ADAMTS2: variants seen among roughly 807,000 people sequenced by gnomAD.
ADAMTS2 encodes ADAM metallopeptidase with thrombospondin type 1 motif 2.
A neutral mutation model predicts 123.0 loss-of-function variants in ADAMTS2; 50 were observed. The observed-to-expected ratio is 0.41, with a 90% confidence interval of 0.32 to 0.51. The LOEUF (loss-of-function observed/expected upper bound fraction) is 0.51. ADAMTS2 is among the 20% of genes least tolerant of loss of function. The pLI is 0.35. For missense variants in ADAMTS2, 1,494 were observed against 1,705.2 expected, an observed-to-expected ratio of 0.88 and a Z score of 2.18; for synonymous variants, 678 against 695.4, an observed-to-expected ratio of 0.98 and a Z score of 0.39.
chr5:179,135,089 C>A (rs1341955618), intron 13 of ADAMTS2, among the ~76,000 whole-genome samples: 5 of 66,224 alleles, frequency 7.6e-5, no homozygotes, highest in African/African-American at 1.6e-4. Flanking sequence ...CCGGCTCCAG[C>A]CCCCAGCTCC....
intron 2 of ADAMTS2, among the ~76,000 whole-genome samples, chr5:179,329,988 C>T (rs879413941): frequency 1.5e-4 from 23 of 151,282 alleles, no homozygotes; most frequent in East Asian, 3.9e-4. Context: ...TAGCCGGGCG[C>T]GGTGGCGGGC....
At chr5:179,268,682 C>G (rs1486153852) in intron 3 of ADAMTS2, among the ~76,000 whole-genome samples, 2 of 152,326 alleles carry the variant, frequency 1.3e-5, no homozygotes, top group East Asian at 3.9e-4. Context: ...CTTAGACATG[C>G]AGGGAAGAGC....
intron 2 of ADAMTS2, among the ~76,000 whole-genome samples, chr5:179,280,681 G>T (rs1766873277): frequency 1.3e-5 from 2 of 152,038 alleles, no homozygotes; most frequent in African/African-American, 2.4e-5. Context: ...CTCTCTCCGG[G>T]CTTCTATTTG....
intron 2 of ADAMTS2, among the ~76,000 whole-genome samples, chr5:179,298,226 G>A (rs1052233786): frequency 2.3e-5 from 3 of 130,204 alleles, no homozygotes; most frequent in Admixed American, 7.5e-5. Flanking sequence ...AACCCAGGCT[G>A]TCCCCTTCAC....
chr5:179,212,659 G>A (rs1581194473), intron 3 of ADAMTS2, among the ~76,000 whole-genome samples: 1 of 140,230 alleles, frequency 7.1e-6, no homozygotes, highest in Non-Finnish European at 1.6e-5. Context: ...TGGGCCCTGA[G>A]GGCGGGTGCA....
At chr5:179,138,339 CTGAG>C (rs1763101327) in intron 11 of ADAMTS2, among the ~76,000 whole-genome samples, 1 of 152,208 alleles carries the variant, frequency 6.6e-6, no homozygotes, top group East Asian at 1.9e-4. Flanking sequence ...ACGGCAGGAG[CTGAG>C]TGAGTCTCCT....
chr5:179,126,775 C>G (rs573169913), intron 17 of ADAMTS2, among the ~76,000 whole-genome samples: 2 of 152,282 alleles, frequency 1.3e-5, no homozygotes, highest in South Asian at 4.2e-4. Context: ...GGAGATAAAG[C>G]CTGACCTCCT....
intron 3 of ADAMTS2, among the ~76,000 whole-genome samples, chr5:179,208,609 C>T (rs1446398336): frequency 6.6e-6 from 1 of 152,164 alleles, no homozygotes; most frequent in Non-Finnish European, 1.5e-5. Flanking sequence ...TCCTGCGGGC[C>T]TGGAGACCAC....
At position 179,303,144 on chromosome 5, in the gene ADAMTS2, T is replaced by C. The variant is rs913782493; in HGVS notation, c.535-30080A>G. Among the ~76,000 whole-genome samples, 2 of 152,154 alleles carry C rather than the reference T, an allele frequency of 1.3e-5. No individual in the cohort carries two copies. The highest frequency in any genetic ancestry group is 2.9e-5 in the Non-Finnish European group (2 of 68,022). ...GACCTGATTCCCCTGTCAGTTGCTC[T>C]GGGCATGTTGTGAGAATTGCTGGGG... is the stretch of plus-strand genomic sequence containing the variant. On this transcript the variant is annotated intron_variant, in intron 2 of 21. Coordinates refer to ENST00000251582, the MANE Select transcript of ADAMTS2 (RefSeq NM_014244.5). This position sits in a 1 kb window ranked among gnomAD's most constrained non-coding sequence, Gnocchi z 4.7.
rs888615226 is a variant in ADAMTS2, at chr5:179,312,167, C to T, written c.534+31600G>A. On this transcript the variant is annotated intron_variant, in intron 2 of 21. Transcript: ENST00000251582. This position sits in a 1 kb window ranked among gnomAD's most constrained non-coding sequence, Gnocchi z 4.2. The stretch of plus-strand genomic sequence containing the variant: ...CAATCCCTGGAACCCATAAATGTTA[C>T]CTTCCATGGCAAAAAAGAACTTTGT... Among the ~76,000 whole-genome samples the T allele has an allele frequency of 1.3e-5, 2 of 152,200 alleles. No homozygotes were observed. The highest frequency in any genetic ancestry group is 4.8e-5 in the African/African-American group (2 of 41,450).
intron 4 of ADAMTS2, among the ~76,000 whole-genome samples, chr5:179,187,766 G>A (rs1312748625): frequency 6.6e-6 from 1 of 152,228 alleles, no homozygotes; most frequent in Non-Finnish European, 1.5e-5. Flanking sequence ...AAACCTTGGG[G>A]GGAAATGTTC....
intron 10 of ADAMTS2, among the ~76,000 whole-genome samples, chr5:179,140,825 G>C (rs1350428063): frequency 2.1e-5 from 1 of 46,852 alleles, no homozygotes; most frequent in Non-Finnish European, 4.6e-5. Context: ...TTTTGAGACA[G>C]AGTCTCACTC....
At chr5:179,179,501 T>C (rs1405291216) in intron 5 of ADAMTS2, among the ~76,000 whole-genome samples, 2 of 152,222 alleles carry the variant, frequency 1.3e-5, no homozygotes, top group Non-Finnish European at 2.9e-5. Context: ...GTGATATAAC[T>C]ACTAATTTAG....
At chr5:179,200,123 C>T (rs2113357458) in intron 4 of ADAMTS2, among the ~76,000 whole-genome samples, 1 of 152,160 alleles carries the variant, frequency 6.6e-6, no homozygotes, top group Non-Finnish European at 1.5e-5. Context: ...GGCCAGTGTT[C>T]CCCACTGGTA....
chr5:179,216,410 G>C (rs2113394558), intron 3 of ADAMTS2, among the ~76,000 whole-genome samples: 1 of 150,928 alleles, frequency 6.6e-6, no homozygotes, highest in African/African-American at 2.4e-5. Context: ...ATTCACAGAA[G>C]TTTCCAGCTT....
chr5:179,344,736 G>A (rs1452665367), intron 1 of ADAMTS2, among the ~76,000 whole-genome samples: 3 of 152,198 alleles, frequency 2.0e-5, no homozygotes, highest in Non-Finnish European at 4.4e-5. Context: ...GGACTGGGAG[G>A]GGTGGAACAG....
intron 4 of ADAMTS2, among the ~76,000 whole-genome samples, chr5:179,198,439 G>A (rs1052753648): frequency 3.3e-5 from 5 of 152,186 alleles, no homozygotes; most frequent in African/African-American, 7.2e-5. Context: ...TCCCCAAGGG[G>A]CCTCAGCATC....
In ADAMTS2 at chr5:179,154,193, C is replaced by T; in HGVS notation, c.1239-1G>A. ...CTGCCCGTCGTGCTCCATGCCCAGC[C>T]TGCGAGGGCCGAGGCAGCTGGCTGA... On this transcript the variant is annotated splice_acceptor_variant, in intron 7 of 21. Transcript: ENST00000251582. LOFTEE classifies it high-confidence loss of function. 3 of 1,551,266 alleles carry T rather than the reference C, an allele frequency of 1.9e-6. No homozygotes were observed. Among genetic ancestry groups the T allele is most frequent in the Non-Finnish European group, 2.6e-6 (3 of 1,155,206 alleles).
intron 3 of ADAMTS2, among the ~76,000 whole-genome samples, chr5:179,224,860 TG>T (rs1364240175): frequency 4.7e-5 from 7 of 148,472 alleles, no homozygotes; most frequent in Non-Finnish European, 7.3e-5. Context: ...TCCTCAGGTC[TG>T]TCTGCCACCT....
Sources: gnomAD v4.1 joint callset for allele counts (sites outside exome capture counted in the v4.1 genomes callset) on GRCh38, gnomAD v4.1.1 for gene constraint, Gnocchi (gnomAD v3.1) non-coding constraint, MANE v1.5 for transcripts, NCBI Gene and HGNC (gene_info 2026-07-23, HGNC 2026-07-21) for gene names.